The following BDKRB1 variants were observed in gnomAD, a reference collection of about 807,000 sequenced individuals.
BDKRB1 encodes bradykinin receptor B1, also known as B1 bradykinin receptor.
For missense variants in BDKRB1, 414 were observed against 441.4 expected (o/e 0.94, Z 0.56); for synonymous variants, 192 against 189.1 (o/e 1.02, Z -0.13).
intron 1 of BDKRB1, among the ~76,000 whole-genome samples, chr14:96,257,052 G>A (rs1885632386): frequency 6.6e-6 from 1 of 152,214 alleles, no homozygotes. Context: ...GCAAATATCA[G>A]AGCTAAAGCT....
At chr14:96,260,986 C>T (rs990880302) in intron 1 of BDKRB1, among the ~76,000 whole-genome samples, 1 of 152,086 alleles carries the variant, frequency 6.6e-6, no homozygotes, top group Non-Finnish European at 1.5e-5. Flanking sequence ...CTTCCCCACC[C>T]CCCACAAAAA....
At chr14:96,261,513 C>A (rs1848393239) in intron 1 of BDKRB1, among the ~76,000 whole-genome samples, 1 of 152,194 alleles carries the variant, frequency 6.6e-6, no homozygotes, top group Non-Finnish European at 1.5e-5. Flanking sequence ...GAAAGTCAGG[C>A]TCAGAGACAT....
chr14:96,264,761 G>A lies in BDKRB1; in HGVS notation c.*17G>A. The A allele has an allele frequency of 6.3e-7, 1 of 1,584,952 alleles. No individual in the cohort carries two copies. The highest frequency in any genetic ancestry group is 8.6e-7 in the Non-Finnish European group (1 of 1,169,420). ...CGGAATTAAAACAGCATTGAACCAAGAAGCTTGGCTTTCTTATCAATTCTT... is the reference window on the plus strand; with the variant it reads ...CGGAATTAAAACAGCATTGAACCAAAAAGCTTGGCTTTCTTATCAATTCTT... On this transcript the variant is annotated 3_prime_UTR_variant, in exon 3 of 3. Transcript: ENST00000216629.
chr14:96,262,833 G>T (rs1885789302), intron 2 of BDKRB1, 63 bp downstream of exon 2: 1 of 363,408 alleles, frequency 2.8e-6, no homozygotes, highest in Non-Finnish European at 5.4e-6. Flanking sequence ...TCACCATGTT[G>T]CCCAGGCTGG....
In BDKRB1 at chr14:96,263,781, G is replaced by T; in HGVS notation, c.99G>T (p.Trp33Cys). The T allele has an allele frequency of 6.2e-7, 1 of 1,614,196 alleles. No individual in the cohort carries two copies. The highest frequency in any genetic ancestry group is 8.5e-7 in the Non-Finnish European group (1 of 1,180,032). ...CCTGTGACAATGCTCCAGAAGCCTG[G>T]GACCTGCTGCACAGAGTGCTGCCAA... is the stretch of plus-strand genomic sequence containing the variant. ...ATACDNAPEA[W>C]DLLHRVLPTF... Residue 33 changes from tryptophan (W) to cysteine (C), a missense_variant, in exon 3 of 3, where the codon TGG becomes TGT. Trp to Cys is a radical substitution (Grantham distance 215, BLOSUM62 -2). Coordinates refer to ENST00000216629, the MANE Select transcript of BDKRB1 (RefSeq NM_000710.4).
At chr14:96,262,844 T>G (rs1461620431) in intron 2 of BDKRB1, 74 bp downstream of exon 2, 2 of 360,720 alleles carry the variant, frequency 5.5e-6, no homozygotes, top group East Asian at 1.5e-4. Context: ...CCCAGGCTGG[T>G]CTTGAACTCC....
rs1356927381 is a variant in BDKRB1 at position 96,264,558 on chromosome 14, G to C, written c.876G>C (p.Leu292=). Residue 292 remains leucine (L), a synonymous_variant, in exon 3 of 3, where the codon CTG becomes CTC. Transcript: ENST00000216629. Reference sequence around the variant, plus strand: ...GCTTTTGGGAGGACTTCATTGACCTGGGCCTGCAATTGGCCAACTTCTTTG... The same window carrying C: ...GCTTTTGGGAGGACTTCATTGACCTCGGCCTGCAATTGGCCAACTTCTTTG... ...RGCFWEDFID[L]GLQLANFFAF... is the part of the protein sequence containing the mutation. 2 of 1,614,164 alleles carry C rather than the reference G, an allele frequency of 1.2e-6. No individual in the cohort carries two copies. Among genetic ancestry groups the C allele is most frequent in the South Asian group, 2.2e-5 (2 of 91,072 alleles).
chr14:96,264,554 A>G lies in BDKRB1; in HGVS notation c.872A>G (p.Asp291Gly). ...VRGCFWEDFIDLGLQLANFFA... is the reference protein window; with the variant it reads ...VRGCFWEDFIGLGLQLANFFA... The stretch of plus-strand genomic sequence containing the variant: ...GGCTGCTTTTGGGAGGACTTCATTG[A>G]CCTGGGCCTGCAATTGGCCAACTTC... The change falls in exon 3 of 3, where the codon GAC (aspartate) becomes GGC (glycine). Residue 291 changes from aspartate to glycine, a missense_variant. By Grantham distance (94) the Asp-to-Gly change is moderately conservative. Coordinates refer to ENST00000216629, the MANE Select transcript of BDKRB1 (RefSeq NM_000710.4). 1 of 1,614,084 alleles carries G rather than the reference A, an allele frequency of 6.2e-7. No homozygotes were observed. The highest frequency in any genetic ancestry group is 8.5e-7 in the Non-Finnish European group (1 of 1,180,026).
intron 1 of BDKRB1, among the ~76,000 whole-genome samples, chr14:96,260,513 G>GT (rs1317615848): frequency 6.6e-6 from 1 of 152,120 alleles, no homozygotes; most frequent in Non-Finnish European, 1.5e-5. Flanking sequence ...TTAAATATTT[G>GT]TTTTTTAGCT....
chr14:96,262,385 G>A lies in BDKRB1; in HGVS notation c.-129-267G>A, dbSNP rs890648994. On this transcript the variant is annotated intron_variant, in intron 1 of 2. Coordinates refer to ENST00000216629, the MANE Select transcript of BDKRB1 (RefSeq NM_000710.4). ...TGTGTGACCTCAGACAGGCGACTCCGGGTCTCAGCACTCAATTTTCTAATT... is the reference window on the plus strand; with the variant it reads ...TGTGTGACCTCAGACAGGCGACTCCAGGTCTCAGCACTCAATTTTCTAATT... Among the ~76,000 whole-genome samples, 59 of 152,132 alleles carry A rather than the reference G, an allele frequency of 3.9e-4. 1 individual carries two copies. The highest frequency in any genetic ancestry group is 3.5e-3 in the Admixed American group (54 of 15,284).
rs1267702432 is a variant in BDKRB1 at position 96,264,416 on chromosome 14, A to T, written c.734A>T (p.Asp245Val). Residue 245 changes from aspartate (D) to valine (V), a missense_variant, in exon 3 of 3, where the codon GAT (aspartate) becomes GTT (valine). Asp to Val is a radical substitution (Grantham distance 152). Transcript: ENST00000216629. ...AGGACAAGGTGCGGGGGCCGCAAGG[A>T]TAGCAAGACCACAGCGCTGATCCTC... ...VSRTRCGGRK[D>V]SKTTALILTL... 5.6e-6 allele frequency: 9 copies of T among 1,614,188 alleles called. No individual in the cohort carries two copies. The highest frequency in any genetic ancestry group is 3.3e-4 in the Middle Eastern group (2 of 6,062).
chr14:96,256,916 A>T (rs2139810996), intron 1 of BDKRB1, among the ~76,000 whole-genome samples: 1 of 152,326 alleles, frequency 6.6e-6, no homozygotes, highest in Middle Eastern at 3.4e-3. Flanking sequence ...AAAATACCAC[A>T]CAGGAATTAC....
rs1229630270 is a variant in BDKRB1 at position 96,264,207 on chromosome 14, G to A, written c.525G>A (p.Leu175=). The A allele has an allele frequency of 6.2e-7, 1 of 1,613,196 alleles. No individual in the cohort carries two copies. The highest frequency in any genetic ancestry group is 1.3e-5 in the African/African-American group (1 of 74,906). ...TCTTGAGCATCCCCACATTCCTGCT[G>A]CGATCCATCCAAGCCGTCCCAGATC... ...GGLLSIPTFL[L]RSIQAVPDLN... is the part of the protein sequence containing the mutation. The change falls in exon 3 of 3, where the codon CTG becomes CTA. Residue 175 remains leucine (L), a synonymous_variant. Coordinates refer to ENST00000216629, the MANE Select transcript of BDKRB1 (RefSeq NM_000710.4).
rs1269208181 is a variant in BDKRB1, at chr14:96,263,898, A to G, written c.216A>G (p.Ala72=). ...FLLPRRQLNV[A]EIYLANLAAS... The stretch of plus-strand genomic sequence containing the variant: ...TGCCCCGGCGGCAACTGAACGTGGC[A>G]GAAATCTACCTGGCCAACCTGGCAG... The change falls in exon 3 of 3, where the codon GCA becomes GCG. Residue 72 remains alanine, a synonymous_variant. Coordinates refer to ENST00000216629, the MANE Select transcript of BDKRB1 (RefSeq NM_000710.4). 2 of 1,614,224 alleles carry G rather than the reference A, an allele frequency of 1.2e-6. No individual in the cohort carries two copies. Among genetic ancestry groups the G allele is most frequent in the Non-Finnish European group, 1.7e-6 (2 of 1,180,034 alleles).
chr14:96,261,239 T>A (rs1885742791), intron 1 of BDKRB1, among the ~76,000 whole-genome samples: 1 of 152,232 alleles, frequency 6.6e-6, no homozygotes, highest in South Asian at 2.1e-4. Flanking sequence ...TTAGTGTGTG[T>A]ATTGTTTATC....
chr14:96,257,259 C>T (rs1214852812), intron 1 of BDKRB1, among the ~76,000 whole-genome samples: 4 of 152,222 alleles, frequency 2.6e-5, no homozygotes, highest in African/African-American at 7.2e-5. Context: ...AAAGTCCCTG[C>T]GTAGCTGGTC....
rs376526644 is a variant in BDKRB1 at position 96,264,737 on chromosome 14, G to C, written c.1055G>C (p.Arg352Pro). The change falls in exon 3 of 3, where the codon CGG becomes CCG. Residue 352 changes from arginine to proline, a missense_variant. By Grantham distance (103) the Arg-to-Pro change is moderately radical. Transcript: ENST00000216629. ...AAAGAAATCTTCCAACTTTTCTGGCGGAATTAAAACAGCATTGAACCAAGA... is the reference window on the plus strand; with the variant it reads ...AAAGAAATCTTCCAACTTTTCTGGCCGAATTAAAACAGCATTGAACCAAGA... Reference protein sequence around the residue: ...HRKEIFQLFWRN With the variant: ...HRKEIFQLFWPN 6.2e-7 allele frequency: 1 copy of C among 1,606,986 alleles called. No individual in the cohort carries two copies. Among genetic ancestry groups the C allele is most frequent in the Admixed American group, 1.7e-5 (1 of 58,578 alleles).
intron 1 of BDKRB1, among the ~76,000 whole-genome samples, chr14:96,260,114 T>C (rs894589409): frequency 2.0e-5 from 3 of 150,894 alleles, no homozygotes; most frequent in Admixed American, 6.7e-5. Flanking sequence ...AACCTCTGCC[T>C]CCTAGGTTCA....
At chr14:96,256,982 G>A (rs1004206992) in intron 1 of BDKRB1, among the ~76,000 whole-genome samples, 1 of 152,092 alleles carries the variant, frequency 6.6e-6, no homozygotes, top group Non-Finnish European at 1.5e-5. Context: ...CTTCAAATAG[G>A]GTCACATATT....
Sources: allele counts gnomAD v4.1 joint callset (sites outside exome capture counted in the v4.1 genomes callset), GRCh38; gene constraint gnomAD v4.1.1; transcripts MANE v1.5; gene names NCBI Gene and HGNC (gene_info 2026-07-23, HGNC 2026-07-21).